WWOX: variants seen among roughly 807,000 people sequenced by gnomAD.
The protein encoded by WWOX is WW domain containing oxidoreductase.
In WWOX, 69 loss-of-function variants were observed where a neutral mutation model predicts 46.2. The ratio of observed to expected loss-of-function variants is 1.49; its 90% CI spans 1.23 to 1.82. WWOX has a LOEUF of 1.82. Ranked by LOEUF, WWOX falls within the 40% of genes most tolerant of loss-of-function variation. The pLI is 0.00. For missense variants in WWOX, 919 were observed against 542.6 expected, an observed-to-expected ratio of 1.69 and a Z score of -6.89; for synonymous variants, 359 against 202.6, an observed-to-expected ratio of 1.77 and a Z score of -6.56.
intron 8 of WWOX, chr16:78,892,043 G>C (rs934121964): frequency 2.0e-5 from 3 of 152,102 alleles, no homozygotes; most frequent in African/African-American, 7.2e-5. Flanking sequence ...AAAGTAAAAA[G>C]TGTGTCTGAT....
At chr16:78,416,797 T>G (rs1007179546) in intron 6 of WWOX, among the ~76,000 whole-genome samples, 4 of 152,320 alleles carry the variant, frequency 2.6e-5, no homozygotes, top group East Asian at 1.9e-4. Flanking sequence ...AAATAACAAT[T>G]ATCTAAGCTG....
At chr16:79,118,137 T>C (rs1426858043) in intron 8 of WWOX, among the ~76,000 whole-genome samples, 2 of 152,246 alleles carry the variant, frequency 1.3e-5, no homozygotes, top group African/African-American at 4.8e-5. Context: ...TGATTTAAAG[T>C]GAGAGACATG....
intron 8 of WWOX, among the ~76,000 whole-genome samples, chr16:78,696,986 C>A (rs2048113925): frequency 6.6e-6 from 1 of 152,124 alleles, no homozygotes; most frequent in African/African-American, 2.4e-5. Context: ...GCTGAAAATG[C>A]CATCAGTTCA....
In WWOX at chr16:78,424,984, C is replaced by T. The variant is rs2083042761; in HGVS notation, c.720C>T (p.Val240=). ...ATCATCTGGGGCACTTCTACCTTGT[C>T]CAGCTCCTCCAGGATGTTTTGTGCC... is the stretch of plus-strand genomic sequence containing the variant. ...QVNHLGHFYL[V]QLLQDVLCRS... is the part of the protein sequence containing the mutation. Residue 240 remains valine (V), a synonymous_variant, in exon 7 of 9, where the codon GTC becomes GTT. Coordinates refer to ENST00000566780, the MANE Select transcript of WWOX (RefSeq NM_016373.4). 6.2e-7 allele frequency: 1 copy of T among 1,614,038 alleles called. No individual in the cohort carries two copies. The highest frequency in any genetic ancestry group is 8.5e-7 in the Non-Finnish European group (1 of 1,180,044).
At chr16:79,093,235 TG>T (rs1310226974) in intron 8 of WWOX, among the ~76,000 whole-genome samples, 1 of 151,690 alleles carries the variant, frequency 6.6e-6, no homozygotes, top group Non-Finnish European at 1.5e-5. Flanking sequence ...TGGGAGGAGG[TG>T]GGGAGAGAGG....
intron 8 of WWOX, among the ~76,000 whole-genome samples, chr16:78,776,413 C>G (rs1159705030): frequency 6.6e-6 from 1 of 152,068 alleles, no homozygotes; most frequent in African/African-American, 2.4e-5. Flanking sequence ...CTCATACCTA[C>G]TGTTCGTCAG....
chr16:78,311,826 A>G lies in WWOX; in HGVS notation c.517-75034A>G, dbSNP rs905950905. 2.6e-5 allele frequency among the ~76,000 whole-genome samples: 4 copies of G among 152,296 alleles called. No individual in the cohort carries two copies. In the East Asian group the frequency reaches 7.7e-4, roughly 29 times the overall value. ...TCATTTTTCTGTGGCTGCCATAACA[A>G]AGTTCTTCAAACTTAGTGTCTTGAG... On this transcript the variant is annotated intron_variant, in intron 5 of 8. Transcript: ENST00000566780.
At chr16:78,121,071 T>A (rs2033070394) in intron 4 of WWOX, among the ~76,000 whole-genome samples, 1 of 152,144 alleles carries the variant, frequency 6.6e-6, no homozygotes, top group South Asian at 2.1e-4. Flanking sequence ...TAAAACACAC[T>A]CATATGAGAT....
intron 8 of WWOX, among the ~76,000 whole-genome samples, chr16:79,052,693 T>G (rs980513914): frequency 6.6e-6 from 1 of 152,192 alleles, no homozygotes; most frequent in Non-Finnish European, 1.5e-5. Flanking sequence ...AGGTTATAAA[T>G]GAGCCTGTCT....
chr16:78,622,972 G>A (rs1022039035), intron 8 of WWOX, among the ~76,000 whole-genome samples: 2 of 152,094 alleles, frequency 1.3e-5, no homozygotes, highest in Non-Finnish European at 2.9e-5. Flanking sequence ...TCTAGGAGCT[G>A]AGAGTGCCCT....
At chr16:79,186,284 T>C (rs2051012951) in intron 8 of WWOX, among the ~76,000 whole-genome samples, 2 of 152,184 alleles carry the variant, frequency 1.3e-5, no homozygotes, top group Admixed American at 1.3e-4. Context: ...AGGAATATTA[T>C]CTCACAGTCC....
intron 8 of WWOX, among the ~76,000 whole-genome samples, chr16:78,701,362 T>G (rs1051310869): frequency 2.0e-5 from 3 of 151,986 alleles, no homozygotes; most frequent in African/African-American, 7.2e-5. Context: ...CAGGCTTGAG[T>G]CACTGTTCCT....
At chr16:78,731,024 G>C (rs534526423) in intron 8 of WWOX, among the ~76,000 whole-genome samples, 1 of 152,100 alleles carries the variant, frequency 6.6e-6, no homozygotes, top group South Asian at 2.1e-4. Context: ...TGATGTTACC[G>C]TACTATCCAA....
At chr16:78,587,127 C>G (rs2045226845) in intron 8 of WWOX, among the ~76,000 whole-genome samples, 3 of 151,536 alleles carry the variant, frequency 2.0e-5, no homozygotes, top group African/African-American at 7.3e-5. Context: ...CCAGGCTCAA[C>G]CTATCCTCTT....
At chr16:78,525,434 C>G (rs1427386860) in intron 8 of WWOX, 2 of 152,162 alleles carry the variant, frequency 1.3e-5, no homozygotes, top group East Asian at 3.9e-4. Context: ...ATCCACCAGC[C>G]TTGGCCTCCC....
chr16:78,733,713 C>T (rs9922502), intron 8 of WWOX, among the ~76,000 whole-genome samples: 23,972 of 151,808 alleles, frequency 0.16, 2,053 homozygotes, highest in Admixed American at 0.21. Context: ...CGAGATCATG[C>T]CACTGCACTC....
At chr16:78,819,497 A>C (rs1010880491) in intron 8 of WWOX, among the ~76,000 whole-genome samples, 23 of 152,218 alleles carry the variant, frequency 1.5e-4, no homozygotes, top group African/African-American at 5.3e-4. Flanking sequence ...TGCATAATCC[A>C]CCACTTAATT....
intron 8 of WWOX, among the ~76,000 whole-genome samples, chr16:78,481,552 C>G (rs1023817476): frequency 2.2e-4 from 33 of 151,948 alleles, no homozygotes; most frequent in African/African-American, 6.5e-4. Flanking sequence ...TCCCACCACC[C>G]CTTAATTTAA....
chr16:78,758,508 T>G (rs1277694593), intron 8 of WWOX, among the ~76,000 whole-genome samples: 1 of 152,238 alleles, frequency 6.6e-6, no homozygotes, highest in African/African-American at 2.4e-5. Flanking sequence ...CAAGTGTGTT[T>G]CCCTTTGTAA....
Sources: allele counts gnomAD v4.1 joint callset (sites outside exome capture counted in the v4.1 genomes callset), GRCh38; gene constraint gnomAD v4.1.1; transcripts MANE v1.5; gene names NCBI Gene and HGNC (gene_info 2026-07-23, HGNC 2026-07-21).